Variants in NALCN observed in about 807,000 individuals in gnomAD.
NALCN encodes the protein sodium leak channel NALCN.
Under a neutral mutation model 225.3 loss-of-function variants are expected in NALCN, and 111 were observed. The ratio of observed to expected loss-of-function variants is 0.49; its 90% CI spans 0.42 to 0.58. The LOEUF (loss-of-function observed/expected upper bound fraction) is 0.58, where lower values mean the gene tolerates loss of function less well. NALCN is among the 20% of genes least tolerant of loss of function. The probability of loss-of-function intolerance (pLI) is 0.00; values close to 1 mark genes in which losing one functional copy is unlikely to be tolerated. For missense variants in NALCN, 1,378 were observed against 2,202.4 expected (o/e 0.63, Z 7.49); for synonymous variants, 764 against 769.0 (o/e 0.99, Z 0.11).
intron 3 of NALCN, among the ~76,000 whole-genome samples, chr13:101,393,825 C>T (rs1368865122): frequency 6.6e-6 from 1 of 152,072 alleles, no homozygotes; most frequent in Non-Finnish European, 1.5e-5. Context: ...AAAACAAAAA[C>T]AATCAAGTAT....
intron 15 of NALCN, among the ~76,000 whole-genome samples, chr13:101,147,354 C>CTTT (rs34988610): frequency 3.2e-5 from 4 of 125,092 alleles, no homozygotes; most frequent in Non-Finnish European, 6.7e-5. Flanking sequence ...CTCTCTCTCT[C>CTTT]TTTTTTTTTT....
intron 37 of NALCN, among the ~76,000 whole-genome samples, 178 bp downstream of exon 37, chr13:101,073,406 G>C (rs1361458643): frequency 6.6e-6 from 1 of 152,130 alleles, no homozygotes; most frequent in African/African-American, 2.4e-5. Context: ...TGAGTATTTT[G>C]CCCTAAATAT....
At chr13:101,329,806 A>T (rs1333972419) in intron 7 of NALCN, among the ~76,000 whole-genome samples, 1 of 152,078 alleles carries the variant, frequency 6.6e-6, no homozygotes, top group Non-Finnish European at 1.5e-5. Flanking sequence ...TGGGAGGCTG[A>T]GGTGGGCAGA....
chr13:101,393,950 T>C (rs904465650), intron 3 of NALCN, among the ~76,000 whole-genome samples: 8 of 152,220 alleles, frequency 5.3e-5, no homozygotes, highest in Non-Finnish European at 8.8e-5. Context: ...TAAGGAATTA[T>C]TGCTAAGTCT....
chr13:101,320,268 A>C (rs544595), intron 7 of NALCN, among the ~76,000 whole-genome samples: 62,035 of 152,104 alleles, frequency 0.41, 13,002 homozygotes, highest in Middle Eastern at 0.47. Context: ...CAACTCACTA[A>C]AATTAATACA....
Position 101,104,147 on chromosome 13 carries a change from A to G in NALCN, c.2889+148T>C. On this transcript the variant is annotated intron_variant, in intron 25 of 43. Transcript: ENST00000251127. The surrounding 1 kb of genome is among the most constrained non-coding windows in gnomAD (Gnocchi z 4.2). ...TTTTACATGCATGGCCCTTATTTGCATATAATGAACTACTCTAGAGTCCAT... is the reference window on the plus strand; with the variant it reads ...TTTTACATGCATGGCCCTTATTTGCGTATAATGAACTACTCTAGAGTCCAT... The G allele has an allele frequency of 3.8e-6, 3 of 794,432 alleles. 1 individual carries two copies. The highest frequency in any genetic ancestry group is 1.9e-6 in the Non-Finnish European group (1 of 529,020). The allele number at this position is 794,432 out of a possible 1,614,324, so 49.2% of individuals were successfully genotyped here. A position where few individuals can be genotyped will look rare whatever the true frequency, so the allele number is the denominator to read the frequency against.
intron 15 of NALCN, among the ~76,000 whole-genome samples, chr13:101,148,567 G>A (rs187730787): frequency 3.5e-4 from 53 of 152,310 alleles, no homozygotes; most frequent in Non-Finnish European, 6.3e-4. Flanking sequence ...TCGTACTGTC[G>A]TTTGACACTA....
chr13:101,388,992 G>A (rs912626378), intron 3 of NALCN, among the ~76,000 whole-genome samples: 1 of 152,200 alleles, frequency 6.6e-6, no homozygotes, highest in Admixed American at 6.5e-5. Flanking sequence ...GCCGGGCAAC[G>A]TCCAGGGGAG....
At chr13:101,254,000 G>C (rs1376013234) in intron 11 of NALCN, among the ~76,000 whole-genome samples, 1 of 152,168 alleles carries the variant, frequency 6.6e-6, no homozygotes, top group Non-Finnish European at 1.5e-5. Context: ...TTTGTCTCAT[G>C]TATAAGTTTC....
intron 6 of NALCN, among the ~76,000 whole-genome samples, chr13:101,349,517 T>A (rs1219751717): frequency 6.6e-6 from 1 of 152,164 alleles, no homozygotes; most frequent in Non-Finnish European, 1.5e-5. Flanking sequence ...CCTAACTCCA[T>A]GAATCACTAA....
At chr13:101,384,068 T>C (rs1479346117) in intron 3 of NALCN, among the ~76,000 whole-genome samples, 2 of 152,172 alleles carry the variant, frequency 1.3e-5, no homozygotes, top group Non-Finnish European at 2.9e-5. Flanking sequence ...GCCCTAGCCA[T>C]AGTAGTCAAA....
chr13:101,401,806 A>C (rs1276798948), intron 1 of NALCN, among the ~76,000 whole-genome samples: 2 of 152,190 alleles, frequency 1.3e-5, no homozygotes, highest in African/African-American at 4.8e-5. Context: ...ATACCTGGCT[A>C]ATCCACACAT....
intron 16 of NALCN, among the ~76,000 whole-genome samples, chr13:101,144,248 C>T (rs979893842): frequency 1.3e-5 from 2 of 152,134 alleles, no homozygotes; most frequent in African/African-American, 2.4e-5. Context: ...GGAAAAACGC[C>T]ACGGTTCTTC....
chr13:101,055,452 T>TTGAC lies in NALCN; in HGVS notation c.5056_5059dup (p.Asn1687SerfsTer23). ...GGTTGTCCTTCCTCCAAACCGTAAG[T>TTGAC]TGACTGAGGACACTGAATGGCTTAT... On this transcript the variant is annotated frameshift_variant, in exon 44 of 44. Transcript: ENST00000251127. LOFTEE classifies it high-confidence loss of function. The TTGAC allele has an allele frequency of 6.2e-7, 1 of 1,614,110 alleles. No homozygotes were observed. The highest frequency in any genetic ancestry group is 8.5e-7 in the Non-Finnish European group (1 of 1,180,010).
At chr13:101,307,317 A>G (rs1238991374) in intron 7 of NALCN, among the ~76,000 whole-genome samples, 9 of 152,158 alleles carry the variant, frequency 5.9e-5, no homozygotes, top group Admixed American at 2.6e-4. Context: ...ACTTCCTAGG[A>G]CTGTCACAGA....
At chr13:101,361,906 A>C (rs768316876) in intron 6 of NALCN, among the ~76,000 whole-genome samples, 17 of 152,104 alleles carry the variant, frequency 1.1e-4, no homozygotes, top group Non-Finnish European at 1.8e-4. Context: ...TGGTATACTG[A>C]AGACTCTCAC....
intron 7 of NALCN, among the ~76,000 whole-genome samples, chr13:101,323,009 G>A (rs1293761001): frequency 6.6e-6 from 1 of 151,980 alleles, no homozygotes; most frequent in East Asian, 1.9e-4. Context: ...CACTGCGCCT[G>A]GCCCTAAGCA....
chr13:101,058,431 C>A, intron 42 of NALCN: 4 of 149,812 alleles, frequency 2.7e-5, no homozygotes, highest in Non-Finnish European at 5.8e-5. Flanking sequence ...CGGGGGCAGT[C>A]TACTGTCACC....
intron 22 of NALCN, 62 bp from the exon 23 acceptor site, chr13:101,105,012 A>G (rs931063850): frequency 1.0e-5 from 15 of 1,447,524 alleles, no homozygotes; most frequent in Non-Finnish European, 1.5e-5. Flanking sequence ...CTTGCTAAAA[A>G]TCATATTTGC....
Sources: allele counts gnomAD v4.1 joint callset (sites outside exome capture counted in the v4.1 genomes callset), GRCh38; gene constraint gnomAD v4.1.1; non-coding constraint Gnocchi (gnomAD v3.1); transcripts MANE v1.5; gene names NCBI Gene and HGNC (gene_info 2026-07-23, HGNC 2026-07-21).